The following EEFSEC variants were observed in gnomAD, a reference collection of about 807,000 sequenced individuals.
The protein encoded by EEFSEC is selenocysteine-specific elongation factor.
EEFSEC carries 43 observed loss-of-function variants against 42.1 expected under a neutral mutation model. That is an observed-to-expected ratio of 1.02 (90% CI 0.80 to 1.32). The LOEUF (loss-of-function observed/expected upper bound fraction) is 1.32, where lower values mean the gene tolerates loss of function less well. Ranked by LOEUF, EEFSEC falls within the 40% of genes most tolerant of loss-of-function variation. The pLI is 0.00. For synonymous variants in EEFSEC, 354 were observed against 339.1 expected, an observed-to-expected ratio of 1.04 and a Z score of -0.48; for missense variants, 745 against 803.6, an observed-to-expected ratio of 0.93 and a Z score of 0.88.
chr3:128,282,012 T>C (rs1420094341), intron 4 of EEFSEC, among the ~76,000 whole-genome samples: 1 of 152,196 alleles, frequency 6.6e-6, no homozygotes, highest in Non-Finnish European at 1.5e-5. Flanking sequence ...CTTGGGAACT[T>C]GGCTGCTTCA....
chr3:128,200,730 T>C (rs1576540517), intron 1 of EEFSEC, among the ~76,000 whole-genome samples: 2 of 152,210 alleles, frequency 1.3e-5, no homozygotes, highest in Non-Finnish European at 2.9e-5. Flanking sequence ...TGGATGCAGG[T>C]TTCCCGCAGA....
At chr3:128,302,178 G>A (rs905363856) in intron 4 of EEFSEC, among the ~76,000 whole-genome samples, 1 of 152,146 alleles carries the variant, frequency 6.6e-6, no homozygotes, top group East Asian at 1.9e-4. Context: ...GGGGTATGGG[G>A]CTGGGAAGAG....
chr3:128,163,949 AAAAC>A (rs1559849741), intron 1 of EEFSEC, among the ~76,000 whole-genome samples: 1 of 147,398 alleles, frequency 6.8e-6, no homozygotes, highest in East Asian at 2.0e-4. Flanking sequence ...AAAAAAAAAA[AAAAC>A]AAAACTATTT....
At chr3:128,191,665 G>A (rs1215037822) in intron 1 of EEFSEC, among the ~76,000 whole-genome samples, 1 of 152,054 alleles carries the variant, frequency 6.6e-6, no homozygotes, top group Non-Finnish European at 1.5e-5. Flanking sequence ...TCTACTTTTT[G>A]TTTATAAATT....
At chr3:128,174,087 A>G (rs1276449945) in intron 1 of EEFSEC, among the ~76,000 whole-genome samples, 2 of 152,146 alleles carry the variant, frequency 1.3e-5, no homozygotes, top group African/African-American at 4.8e-5. Flanking sequence ...TGGAGGAGGA[A>G]ACATTGCTCT....
At chr3:128,300,807 T>C (rs1176289293) in intron 4 of EEFSEC, among the ~76,000 whole-genome samples, 1 of 152,154 alleles carries the variant, frequency 6.6e-6, no homozygotes, top group African/African-American at 2.4e-5. Flanking sequence ...AGTTTGACAA[T>C]TTGAAAATTT....
chr3:128,296,430 C>T (rs1046735814), intron 4 of EEFSEC, among the ~76,000 whole-genome samples: 1 of 152,176 alleles, frequency 6.6e-6, no homozygotes, highest in Non-Finnish European at 1.5e-5. Flanking sequence ...CCAAGTCCAG[C>T]ATTTGCAAGC....
At chr3:128,223,287 T>G (rs1444896398) in intron 1 of EEFSEC, among the ~76,000 whole-genome samples, 2 of 152,230 alleles carry the variant, frequency 1.3e-5, no homozygotes, top group Non-Finnish European at 2.9e-5. Context: ...TGGTCCTGAT[T>G]CTTACCCTTA....
chr3:128,233,307 T>C (rs1020454820), intron 1 of EEFSEC, among the ~76,000 whole-genome samples: 1 of 152,244 alleles, frequency 6.6e-6, no homozygotes, highest in African/African-American at 2.4e-5. Flanking sequence ...AAAGTTGTTT[T>C]TAATATAAGT....
intron 1 of EEFSEC, among the ~76,000 whole-genome samples, chr3:128,238,942 C>G (rs992969080): frequency 3.9e-5 from 6 of 152,222 alleles, no homozygotes; most frequent in African/African-American, 1.4e-4. Flanking sequence ...GACCAAGAAG[C>G]CAGGGTTTGA....
intron 4 of EEFSEC, among the ~76,000 whole-genome samples, chr3:128,302,823 C>T (rs1358594827): frequency 6.6e-6 from 1 of 152,258 alleles, no homozygotes; most frequent in East Asian, 1.9e-4. Flanking sequence ...AAATTATACT[C>T]ACAAGAAATG....
chr3:128,336,470 G>C (rs552407701), intron 4 of EEFSEC, among the ~76,000 whole-genome samples: 1 of 152,230 alleles, frequency 6.6e-6, no homozygotes, highest in Non-Finnish European at 1.5e-5. Context: ...TGGCTTCCTG[G>C]TGCTTTGTCC....
intron 6 of EEFSEC, among the ~76,000 whole-genome samples, chr3:128,359,048 A>G (rs1392102214): frequency 6.6e-6 from 1 of 152,206 alleles, no homozygotes; most frequent in Admixed American, 6.5e-5. Flanking sequence ...TAAACATACT[A>G]AAGAAATCCC....
chr3:128,317,296 G>A lies in EEFSEC; in HGVS notation c.787-23937G>A, dbSNP rs1024746157. Among the ~76,000 whole-genome samples the A allele has an allele frequency of 3.9e-5, 6 of 152,140 alleles. No homozygotes were observed. Among genetic ancestry groups the A allele is most frequent in the East Asian group, 1.9e-4 (1 of 5,188 alleles). On this transcript the variant is annotated intron_variant, in intron 4 of 6. Coordinates refer to ENST00000254730, the MANE Select transcript of EEFSEC (RefSeq NM_021937.5). The surrounding 1 kb of genome is among the most constrained non-coding windows in gnomAD (Gnocchi z 4.1). ...GTGGGTTTTCTTCCTTCATACACAC[G>A]GTGTGCTCACATGCAGTGCGTCCCC...
chr3:128,169,090 C>T (rs1472258732), intron 1 of EEFSEC, among the ~76,000 whole-genome samples: 3 of 152,096 alleles, frequency 2.0e-5, no homozygotes, highest in Non-Finnish European at 4.4e-5. Context: ...ATAAAACATG[C>T]GGAATTATAA....
chr3:128,300,075 G>T (rs1022376132), intron 4 of EEFSEC, among the ~76,000 whole-genome samples: 1 of 152,198 alleles, frequency 6.6e-6, no homozygotes, highest in Non-Finnish European at 1.5e-5. Context: ...CGGCAGAGCA[G>T]ACCCCCAGCT....
intron 2 of EEFSEC, among the ~76,000 whole-genome samples, chr3:128,261,808 C>G (rs2066299697): frequency 6.6e-6 from 1 of 152,160 alleles, no homozygotes; most frequent in Non-Finnish European, 1.5e-5. Context: ...TCAAGGAGGT[C>G]TTTTATTCAG....
chr3:128,244,771 C>T (rs2066109613), intron 1 of EEFSEC, among the ~76,000 whole-genome samples: 1 of 149,062 alleles, frequency 6.7e-6, no homozygotes, highest in Admixed American at 6.7e-5. Context: ...CACCCACACA[C>T]GTGCACACAC....
At chr3:128,188,104 G>A (rs948332655) in intron 1 of EEFSEC, among the ~76,000 whole-genome samples, 6 of 152,132 alleles carry the variant, frequency 3.9e-5, no homozygotes, top group Non-Finnish European at 2.9e-5. Flanking sequence ...GGGTTGGAGG[G>A]GAGAGAGGCC....
Sources: gnomAD v4.1 joint callset for allele counts (sites outside exome capture counted in the v4.1 genomes callset) on GRCh38, gnomAD v4.1.1 for gene constraint, Gnocchi (gnomAD v3.1) non-coding constraint, MANE v1.5 for transcripts, NCBI Gene and HGNC (gene_info 2026-07-23, HGNC 2026-07-21) for gene names.